The following MARCHF10 variants were observed in gnomAD, a reference collection of about 807,000 sequenced individuals.
MARCHF10 encodes the protein membrane associated ring-CH-type finger 10.
In MARCHF10, 64 loss-of-function variants were observed where a neutral mutation model predicts 76.2. That is an observed-to-expected ratio of 0.84 (90% CI 0.69 to 1.03). MARCHF10 has a LOEUF of 1.03. Ranked by LOEUF, MARCHF10 falls within the 50% of genes least tolerant of loss-of-function variation. MARCHF10 has a pLI of 0.00. For missense variants in MARCHF10, 875 were observed against 958.0 expected (o/e 0.91, Z 1.14); for synonymous variants, 340 against 357.5 (o/e 0.95, Z 0.55).
intron 3 of MARCHF10, among the ~76,000 whole-genome samples, chr17:62,785,390 G>A (rs2092727614): frequency 6.6e-6 from 1 of 152,170 alleles, no homozygotes; most frequent in African/African-American, 2.4e-5. Context: ...ATGGATTAAA[G>A]ACTAAAATGT....
chr17:62,788,640 G>T, intron 2 of MARCHF10, 41 bp from the exon 3 acceptor site: 1 of 1,610,980 alleles, frequency 6.2e-7, no homozygotes. Flanking sequence ...TTAGGACCAT[G>T]GCAAGCTTGG....
At chr17:62,734,479 T>C (rs1234607132) in intron 6 of MARCHF10, among the ~76,000 whole-genome samples, 1 of 152,210 alleles carries the variant, frequency 6.6e-6, no homozygotes, top group Non-Finnish European at 1.5e-5. Context: ...TATTAATTTA[T>C]ATGTATTAAG....
chr17:62,745,171 T>C (rs2091661151), intron 4 of MARCHF10, among the ~76,000 whole-genome samples: 1 of 151,570 alleles, frequency 6.6e-6, no homozygotes, highest in African/African-American at 2.4e-5. Context: ...TGGCATGATC[T>C]TGGCTCACTG....
At chr17:62,753,472 T>C (rs998536203) in intron 4 of MARCHF10, among the ~76,000 whole-genome samples, 2 of 152,162 alleles carry the variant, frequency 1.3e-5, no homozygotes, top group African/African-American at 2.4e-5. Context: ...TCAATGCAGG[T>C]TCTGAGCCAG....
At chr17:62,740,550 C>T (rs940452159) in intron 5 of MARCHF10, among the ~76,000 whole-genome samples, 2 of 152,140 alleles carry the variant, frequency 1.3e-5, no homozygotes, top group African/African-American at 4.8e-5. Flanking sequence ...ATCCAAAACT[C>T]GGATGATCAT....
chr17:62,772,666 A>G (rs1416004374), intron 3 of MARCHF10, among the ~76,000 whole-genome samples: 2 of 152,182 alleles, frequency 1.3e-5, no homozygotes, highest in African/African-American at 4.8e-5. Context: ...TGTTCAAGAA[A>G]CAGAGTTTCT....
intron 1 of MARCHF10, chr17:62,805,118 T>C (rs2093142903): frequency 6.6e-6 from 1 of 152,242 alleles, no homozygotes; most frequent in Admixed American, 6.5e-5. Flanking sequence ...AGTTGGTCTT[T>C]TGACAGTCAG....
chr17:62,724,963 C>T lies in MARCHF10; in HGVS notation c.2079G>A (p.Lys693=), dbSNP rs531431355. 107 of 1,612,146 alleles carry T rather than the reference C, an allele frequency of 6.6e-5. No individual in the cohort carries two copies. Among genetic ancestry groups the T allele is most frequent in the Non-Finnish European group, 8.6e-5 (102 of 1,179,372 alleles). The change falls in exon 7 of 11, where the codon AAG becomes AAA. Residue 693 remains lysine, a synonymous_variant. Coordinates refer to ENST00000311269, the MANE Select transcript of MARCHF10 (RefSeq NM_152598.4). ...CTGATGTTATTTTCACTTTCAGCCA[C>T]TTTTTCAGGCACTCTTGATGAACAA... The part of the protein sequence containing the change: ...LQFVHQECLK[K]WLKVKITSGA...
chr17:62,755,606 G>A (rs192794900), intron 4 of MARCHF10, among the ~76,000 whole-genome samples: 42 of 152,300 alleles, frequency 2.8e-4, no homozygotes, highest in African/African-American at 8.9e-4. Context: ...CTACACCAGC[G>A]TTCATGATGT....
chr17:62,753,711 T>C (rs542097197), intron 4 of MARCHF10, among the ~76,000 whole-genome samples: 1 of 152,306 alleles, frequency 6.6e-6, no homozygotes, highest in South Asian at 2.1e-4. Context: ...ACCCCTGTCC[T>C]TCAGGATTTT....
At chr17:62,713,828 A>C (rs1599056680) in intron 8 of MARCHF10, among the ~76,000 whole-genome samples, 1 of 152,126 alleles carries the variant, frequency 6.6e-6, no homozygotes, top group East Asian at 1.9e-4. Flanking sequence ...GGTGGCATTA[A>C]TAGGAGGGGG....
intron 8 of MARCHF10, among the ~76,000 whole-genome samples, chr17:62,721,505 C>T (rs2090485887): frequency 6.6e-6 from 1 of 151,880 alleles, no homozygotes; most frequent in East Asian, 1.9e-4. Flanking sequence ...TAGGTTGGTG[C>T]AAAAGTAATT....
At chr17:62,725,165 C>T (rs2090695094) in intron 6 of MARCHF10, 61 bp from the exon 7 acceptor site, 11 of 1,460,232 alleles carry the variant, frequency 7.5e-6, no homozygotes, top group Non-Finnish European at 1.0e-5. Context: ...TCTACAAATA[C>T]CAGTTCCCAG....
At chr17:62,703,857 G>T (rs1266580562) in intron 10 of MARCHF10, among the ~76,000 whole-genome samples, 1 of 152,220 alleles carries the variant, frequency 6.6e-6, no homozygotes, top group Admixed American at 6.5e-5. Flanking sequence ...CCTGGGGCCG[G>T]GGCTCAAGGC....
chr17:62,793,732 C>T (rs368772024), intron 2 of MARCHF10, among the ~76,000 whole-genome samples: 56 of 149,976 alleles, frequency 3.7e-4, no homozygotes, highest in African/African-American at 1.3e-3. Context: ...TCACCACCAC[C>T]GCCTCCATCA....
intron 6 of MARCHF10, among the ~76,000 whole-genome samples, chr17:62,734,846 G>T (rs2091194498): frequency 2.0e-5 from 3 of 152,160 alleles, no homozygotes; most frequent in Admixed American, 1.3e-4. Context: ...CATTTTCAAA[G>T]AAATTATTTT....
intron 1 of MARCHF10, among the ~76,000 whole-genome samples, chr17:62,802,980 A>T (rs1442959024): frequency 6.6e-6 from 1 of 152,196 alleles, no homozygotes; most frequent in Non-Finnish European, 1.5e-5. Context: ...TCTTAGAGAC[A>T]AGATCTTGCT....
intron 2 of MARCHF10, among the ~76,000 whole-genome samples, chr17:62,793,016 A>AAAC (rs2092893014): frequency 2.2e-5 from 2 of 89,150 alleles, no homozygotes; most frequent in Admixed American, 1.0e-4. Flanking sequence ...CCACCACCAC[A>AAAC]ACCATCACCA....
At chr17:62,784,156 C>T (rs1179700682) in intron 3 of MARCHF10, among the ~76,000 whole-genome samples, 2 of 152,188 alleles carry the variant, frequency 1.3e-5, no homozygotes, top group African/African-American at 4.8e-5. Context: ...TCCAGTAGCA[C>T]ATCAAAAAGC....
Sources: gnomAD v4.1 joint callset for allele counts (sites outside exome capture counted in the v4.1 genomes callset) on GRCh38, gnomAD v4.1.1 for gene constraint, MANE v1.5 for transcripts, NCBI Gene and HGNC (gene_info 2026-07-23, HGNC 2026-07-21) for gene names.